The following AEBP2 variants were observed in gnomAD, a reference collection of about 807,000 sequenced individuals.
The protein encoded by AEBP2 is AE binding protein 2.
In AEBP2, 10 loss-of-function variants were observed where a neutral mutation model predicts 50.8. The ratio of observed to expected loss-of-function variants is 0.20; its 90% CI spans 0.12 to 0.33. The LOEUF (loss-of-function observed/expected upper bound fraction) is 0.33, where lower values mean the gene tolerates loss of function less well. AEBP2 is among the 10% of genes least tolerant of loss of function. The pLI is 1.00. For synonymous variants in AEBP2, 296 were observed against 261.3 expected, an observed-to-expected ratio of 1.13 and a Z score of -1.28; for missense variants, 570 against 688.0, an observed-to-expected ratio of 0.83 and a Z score of 1.92.
At chr12:19,514,885 T>A in intron 7 of AEBP2, 101 bp downstream of exon 7, 1 of 818,962 alleles carries the variant, frequency 1.2e-6, no homozygotes, top group Non-Finnish European at 2.0e-6. Context: ...TGAATTTTAA[T>A]ACCAAGCATA....
chr12:19,426,238 T>C (rs1471647912), intron 1 of AEBP2, among the ~76,000 whole-genome samples: 1 of 152,090 alleles, frequency 6.6e-6, no homozygotes, highest in Non-Finnish European at 1.5e-5. Flanking sequence ...GCCGACCCTA[T>C]GTTGGGATTT....
intron 1 of AEBP2, among the ~76,000 whole-genome samples, chr12:19,410,760 G>T (rs760998433): frequency 1.7e-4 from 26 of 152,154 alleles, no homozygotes; most frequent in Non-Finnish European, 3.2e-4. Context: ...GAAATAATCA[G>T]GATGGTTTCA....
intron 1 of AEBP2, among the ~76,000 whole-genome samples, chr12:19,447,847 G>T (rs928266828): frequency 6.6e-5 from 10 of 152,072 alleles, no homozygotes; most frequent in African/African-American, 2.4e-4. Flanking sequence ...TTAAAAATGA[G>T]GGTTTTTGAC....
intron 1 of AEBP2, among the ~76,000 whole-genome samples, chr12:19,445,355 T>C (rs1313335425): frequency 6.7e-6 from 1 of 149,950 alleles, no homozygotes; most frequent in Non-Finnish European, 1.5e-5. Context: ...CATGCCACCG[T>C]GCCCTGCTCG....
chr12:19,434,024 T>TTA (rs1328020088), intron 1 of AEBP2, among the ~76,000 whole-genome samples: 73 of 151,042 alleles, frequency 4.8e-4, no homozygotes, highest in African/African-American at 1.7e-3. Context: ...TTTTTTTTAT[T>TTA]TTAGTAGGGA....
At chr12:19,419,892 T>C (rs970670289) in intron 1 of AEBP2, among the ~76,000 whole-genome samples, 1 of 151,878 alleles carries the variant, frequency 6.6e-6, no homozygotes, top group African/African-American at 2.4e-5. Context: ...ATCGCACCAC[T>C]GCGCTCCAGC....
At position 19,439,594 on chromosome 12, in the gene AEBP2, C is replaced by T; in HGVS notation, c.-106C>T. 2.2e-6 allele frequency: 3 copies of T among 1,393,050 alleles called. No individual in the cohort carries two copies. The highest frequency in any genetic ancestry group is 1.5e-5 in the African/African-American group (1 of 66,840). 86.3% of individuals were successfully genotyped at this position (1,393,050 alleles called of 1,614,324 possible). A position where few individuals can be genotyped will look rare whatever the true frequency, so the allele number is the denominator to read the frequency against. ...CGCGGGCCCTCCTCCTGCTCTGCAG[C>T]GGCGTCGGCGGAGTTTTGGGCGTTT... On this transcript the variant is annotated 5_prime_UTR_variant, in exon 1 of 8. Transcript: ENST00000266508.
intron 1 of AEBP2, among the ~76,000 whole-genome samples, chr12:19,414,334 T>C (rs2095741080): frequency 6.6e-6 from 1 of 152,154 alleles, no homozygotes; most frequent in African/African-American, 2.4e-5. Context: ...TTGTTCTGGT[T>C]CACATGCCTC....
intron 1 of AEBP2, among the ~76,000 whole-genome samples, chr12:19,442,133 C>G (rs990353689): frequency 7.9e-5 from 12 of 152,088 alleles, no homozygotes; most frequent in African/African-American, 2.9e-4. Flanking sequence ...TGAGGCCGGG[C>G]GCGGTGGCTC....
intron 1 of AEBP2, among the ~76,000 whole-genome samples, chr12:19,406,628 C>T (rs1950845187): frequency 6.7e-6 from 1 of 149,180 alleles, no homozygotes; most frequent in African/African-American, 2.5e-5. Context: ...TTGCAGTGAG[C>T]TGAGATTGCG....
chr12:19,493,098 T>TA (rs895021485), intron 3 of AEBP2, among the ~76,000 whole-genome samples: 15 of 151,996 alleles, frequency 9.9e-5, no homozygotes, highest in East Asian at 1.9e-4. Context: ...GCATGTAACG[T>TA]AAAAAAAATA....
chr12:19,459,941 G>C (rs1948343299), intron 1 of AEBP2, among the ~76,000 whole-genome samples: 1 of 152,182 alleles, frequency 6.6e-6, no homozygotes, highest in African/African-American at 2.4e-5. Flanking sequence ...AGAAAAATTA[G>C]CTCGGTGCAG....
At chr12:19,406,782 A>T (rs1233719789) in intron 1 of AEBP2, among the ~76,000 whole-genome samples, 4 of 152,118 alleles carry the variant, frequency 2.6e-5, no homozygotes, top group Non-Finnish European at 5.9e-5. Flanking sequence ...CAAATTCAAG[A>T]TCATCTGGAT....
chr12:19,479,606 A>G (rs1225865150), intron 3 of AEBP2, among the ~76,000 whole-genome samples: 1 of 150,558 alleles, frequency 6.6e-6, no homozygotes. Context: ...TCTTAGGTTT[A>G]GTAATTATTT....
rs1373006068 is a variant in AEBP2, at chr12:19,473,394, T to G, written c.987+39T>G. The G allele has an allele frequency of 2.1e-5, 13 of 633,752 alleles. 1 individual carries two copies. Among genetic ancestry groups the G allele is most frequent in the African/African-American group, 1.4e-4 (7 of 49,384 alleles). 39.3% of individuals were successfully genotyped at this position (633,752 alleles called of 1,614,324 possible). Reference sequence around the variant, plus strand: ...TATATAAAATTTATTTATTTATTTATTTATTTATTTATTTATTTATTTATT... The same window carrying G: ...TATATAAAATTTATTTATTTATTTAGTTATTTATTTATTTATTTATTTATT... On this transcript the variant is annotated intron_variant, in intron 3 of 7. Transcript: ENST00000266508.
chr12:19,508,956 A>G, intron 5 of AEBP2: 1 of 470,230 alleles, frequency 2.1e-6, no homozygotes. Context: ...ACAGCCTCTA[A>G]CAAAACAAGT....
At chr12:19,427,321 A>G (rs1464795540) in intron 1 of AEBP2, among the ~76,000 whole-genome samples, 1 of 145,476 alleles carries the variant, frequency 6.9e-6, no homozygotes, top group African/African-American at 2.5e-5. Flanking sequence ...CAGAGGTTGC[A>G]GTGAGCCGAG....
At chr12:19,413,076 C>G in intron 1 of AEBP2, 1 of 566,116 alleles carries the variant, frequency 1.8e-6, no homozygotes, top group Middle Eastern at 5.1e-4. Flanking sequence ...ACAGTCTCAG[C>G]TTTTGGAGCC....
intron 3 of AEBP2, among the ~76,000 whole-genome samples, chr12:19,487,703 G>A (rs1948831325): frequency 1.3e-5 from 2 of 151,448 alleles, no homozygotes; most frequent in South Asian, 2.1e-4. Context: ...GTGAGAGAGC[G>A]AGACCCCACC....
Sources: allele counts gnomAD v4.1 joint callset (sites outside exome capture counted in the v4.1 genomes callset), GRCh38; gene constraint gnomAD v4.1.1; transcripts MANE v1.5; gene names NCBI Gene and HGNC (gene_info 2026-07-23, HGNC 2026-07-21).